CCDC163: variants seen among roughly 807,000 people sequenced by gnomAD.
CCDC163 encodes the protein transmembrane protein CCDC163.
A neutral mutation model predicts 8.2 loss-of-function variants in CCDC163; 13 were observed. The observed-to-expected ratio is 1.59, with a 90% CI of 1.04 to 2.54. CCDC163 has a LOEUF of 2.54. Ranked by LOEUF, CCDC163 falls within the 30% of genes most tolerant of loss-of-function variation. CCDC163 has a pLI of 0.00. For synonymous variants in CCDC163, 41 were observed against 30.9 expected, an observed-to-expected ratio of 1.33 and a Z score of -1.08; for missense variants, 117 against 78.6, an observed-to-expected ratio of 1.49 and a Z score of -1.85.
intron 2 of CCDC163, chr1:45,498,727 A>G (rs1377807995): frequency 6.3e-6 from 1 of 158,010 alleles, no homozygotes; most frequent in Admixed American, 6.0e-5. Flanking sequence ...ACACATGTGC[A>G]CACACAACAG....
chr1:45,498,949 A>G (rs1264759086), intron 2 of CCDC163, among the ~76,000 whole-genome samples: 1 of 152,198 alleles, frequency 6.6e-6, no homozygotes, highest in Non-Finnish European at 1.5e-5. Context: ...TAGTATCCTC[A>G]TCTTACACAA....
Position 45,494,003 on chromosome 1 carries a change from T to C in CCDC163, c.*1056A>G, listed in dbSNP as rs539940002. On this transcript the variant is annotated 3_prime_UTR_variant, in exon 5 of 5. Transcript: ENST00000629482. Reference sequence around the variant, plus strand: ...CATATTTACTAGGTCACAATGTAAATTGTATTTCTTACTGGAAGTCACAGC... The same window carrying C: ...CATATTTACTAGGTCACAATGTAAACTGTATTTCTTACTGGAAGTCACAGC... 180 of 152,332 alleles carry C rather than the reference T, an allele frequency of 1.2e-3. No individual in the cohort carries two copies. Among genetic ancestry groups the C allele is most frequent in the African/African-American group, 4.1e-3 (170 of 41,576 alleles). The allele number at this position is 152,332 out of a possible 1,614,324, so 9.4% of individuals were successfully genotyped here. A position where few individuals can be genotyped will look rare whatever the true frequency, so the allele number is the denominator to read the frequency against.
intron 4 of CCDC163, chr1:45,495,588 T>A: frequency 1.4e-6 from 1 of 699,364 alleles, no homozygotes; most frequent in Non-Finnish European, 2.6e-6. Flanking sequence ...GATAATGATG[T>A]ATCAAGGGGG....
chr1:45,498,938 C>T (rs904690681), intron 2 of CCDC163, among the ~76,000 whole-genome samples: 1 of 152,214 alleles, frequency 6.6e-6, no homozygotes, highest in African/African-American at 2.4e-5. Flanking sequence ...TTCCCGACCC[C>T]TAGTATCCTC....
Position 45,494,687 on chromosome 1 carries a change from T to C in CCDC163, c.*372A>G, listed in dbSNP as rs1183466324. 7.3e-6 allele frequency: 2 copies of C among 274,222 alleles called. No individual in the cohort carries two copies. The highest frequency in any genetic ancestry group is 4.3e-5 in the African/African-American group (2 of 45,994). 17.0% of individuals were successfully genotyped at this position (274,222 alleles called of 1,614,324 possible). ...AGGTACAGCTATAGGCTGGGCATGG[T>C]GGCTCACAACTGTAATCCCAGCACT... is the stretch of plus-strand genomic sequence containing the variant. On this transcript the variant is annotated 3_prime_UTR_variant, in exon 5 of 5. Transcript: ENST00000629482.
At position 45,497,334 on chromosome 1, in the gene CCDC163, A is replaced by C; in HGVS notation, c.227T>G (p.Met76Arg). 1.3e-6 allele frequency: 1 copy of C among 780,308 alleles called. No homozygotes were observed. Among genetic ancestry groups the C allele is most frequent in the Non-Finnish European group, 2.4e-6 (1 of 417,636 alleles). The allele number at this position is 780,308 out of a possible 1,614,324, so 48.3% of individuals were successfully genotyped here. A position where few individuals can be genotyped will look rare whatever the true frequency, so the allele number is the denominator to read the frequency against. ...CTGCAGCAACTTCAATTCCTTCTGC[A>C]TAATCTCTGACTCCTCCCACAGCAC... Reference protein sequence around the residue: ...PAVLWEESEIMQKELKLLQYQ... With the variant: ...PAVLWEESEIRQKELKLLQYQ... Residue 76 changes from methionine to arginine, a missense_variant, in exon 3 of 5, where the codon ATG (methionine) becomes AGG (arginine). Transcript: ENST00000629482.
intron 2 of CCDC163, among the ~76,000 whole-genome samples, chr1:45,497,756 TG>T (rs1190358325): frequency 5.6e-5 from 1 of 17,742 alleles, no homozygotes; most frequent in African/African-American, 2.8e-4. Context: ...GGGAGGGAGG[TG>T]GGGGTGTCAG....
chr1:45,496,900 C>G (rs1333249764), intron 3 of CCDC163, among the ~76,000 whole-genome samples: 1 of 152,246 alleles, frequency 6.6e-6, no homozygotes, highest in African/African-American at 2.4e-5. Context: ...GTGGCTCACA[C>G]CTGTAATCCC....
At chr1:45,495,642 T>G in intron 4 of CCDC163, 6 of 621,500 alleles carry the variant, frequency 9.7e-6, no homozygotes, top group East Asian at 5.7e-5. Context: ...GCTAGGACTC[T>G]GGTCTCCTCC....
rs1246924404 is a variant in CCDC163, at chr1:45,495,044, G to A, written c.*15C>T. 2.6e-6 allele frequency: 2 copies of A among 780,700 alleles called. No individual in the cohort carries two copies. Among genetic ancestry groups the A allele is most frequent in the Admixed American group, 3.4e-5 (2 of 59,008 alleles). The allele number at this position is 780,700 out of a possible 1,614,324, so 48.4% of individuals were successfully genotyped here. Reference sequence around the variant, plus strand: ...GCCTTCATCCTACTATTCTTAACGAGTCCTTACAGGTCATTCAGGAGCATT... The same window carrying A: ...GCCTTCATCCTACTATTCTTAACGAATCCTTACAGGTCATTCAGGAGCATT... On this transcript the variant is annotated 3_prime_UTR_variant, in exon 5 of 5. Coordinates refer to ENST00000629482, the MANE Select transcript of CCDC163 (RefSeq NM_001102601.3).
chr1:45,496,593 A>T lies in CCDC163; in HGVS notation c.293T>A (p.Leu98Gln), dbSNP rs775666015. Reference sequence around the variant, plus strand: ...AACCTGAGCCTGTCGTCCCTCAGCCAGCTGTTTCAGCAGCAGCTCCTGGTG... The same window carrying T: ...AACCTGAGCCTGTCGTCCCTCAGCCTGCTGTTTCAGCAGCAGCTCCTGGTG... ...SQHQELLLKQ[L>Q]AEGRQAQVGS... Residue 98 changes from leucine to glutamine, a missense_variant, in exon 4 of 5, where the codon CTG becomes CAG. Coordinates refer to ENST00000629482, the MANE Select transcript of CCDC163 (RefSeq NM_001102601.3). The T allele has an allele frequency of 9.0e-6, 7 of 780,480 alleles. No homozygotes were observed. The highest frequency in any genetic ancestry group is 1.7e-5 in the Non-Finnish European group (7 of 417,910). The allele number at this position is 780,480 out of a possible 1,614,324, so 48.3% of individuals were successfully genotyped here.
chr1:45,497,683 A>T (rs61788291), intron 2 of CCDC163, among the ~76,000 whole-genome samples: 1 of 36,548 alleles, frequency 2.7e-5, no homozygotes, highest in Non-Finnish European at 5.6e-5. Flanking sequence ...TCCGCCCGGC[A>T]GCCACCCCGT....
intron 2 of CCDC163, 88 bp downstream of exon 2, chr1:45,499,257 G>T: frequency 1.4e-6 from 1 of 716,858 alleles, no homozygotes; most frequent in Admixed American, 2.0e-5. Flanking sequence ...GACAGAGTTG[G>T]AATTTGGAAG....
At chr1:45,496,213 C>T in intron 4 of CCDC163, 1 of 391,978 alleles carries the variant, frequency 2.6e-6, no homozygotes, top group Non-Finnish European at 4.9e-6. Context: ...GTCCTGGTAG[C>T]CTCCAGGGTA....
chr1:45,499,046 G>A (rs1167428135), intron 2 of CCDC163, among the ~76,000 whole-genome samples: 3 of 152,234 alleles, frequency 2.0e-5, no homozygotes, highest in African/African-American at 7.2e-5. Flanking sequence ...TCACCCCAGA[G>A]AGAGGATGGG....
rs1654243416 is a variant in CCDC163, at chr1:45,497,297, A to G, written c.262+2T>C. 3 of 778,424 alleles carry G rather than the reference A, an allele frequency of 3.9e-6. No homozygotes were observed. Among genetic ancestry groups the G allele is most frequent in the African/African-American group, 3.4e-5 (2 of 59,088 alleles). The allele number at this position is 778,424 out of a possible 1,614,324, so 48.2% of individuals were successfully genotyped here. A position where few individuals can be genotyped will look rare whatever the true frequency, so the allele number is the denominator to read the frequency against. The stretch of plus-strand genomic sequence containing the variant: ...ATTCGCCCCCAACCACCTTTTACTT[A>G]CTCAACTGGTACTGCAGCAACTTCA... On this transcript the variant is annotated splice_donor_variant, in intron 3 of 4. Coordinates refer to ENST00000629482, the MANE Select transcript of CCDC163 (RefSeq NM_001102601.3). LOFTEE classifies it high-confidence loss of function.
At position 45,494,818 on chromosome 1, in the gene CCDC163, C is replaced by G; in HGVS notation, c.*241G>C. 1 of 497,412 alleles carries G rather than the reference C, an allele frequency of 2.0e-6. No homozygotes were observed. The highest frequency in any genetic ancestry group is 3.6e-6 in the Non-Finnish European group (1 of 273,984). The allele number at this position is 497,412 out of a possible 1,614,324, so 30.8% of individuals were successfully genotyped here. ...CTAAAAATACAAAAATTAGCGCACA[C>G]CTGTAATCCCAGCTACTTGGGAGGC... is the stretch of plus-strand genomic sequence containing the variant. On this transcript the variant is annotated 3_prime_UTR_variant, in exon 5 of 5. Transcript: ENST00000629482.
intron 4 of CCDC163, among the ~76,000 whole-genome samples, chr1:45,495,902 C>A (rs1241673825): frequency 6.6e-6 from 1 of 152,130 alleles, no homozygotes; most frequent in Non-Finnish European, 1.5e-5. Flanking sequence ...AGGTGATCCG[C>A]CCACCTCGGC....
intron 4 of CCDC163, among the ~76,000 whole-genome samples, chr1:45,495,938 G>A (rs1299075785): frequency 1.3e-5 from 2 of 152,074 alleles, no homozygotes; most frequent in East Asian, 1.9e-4. Flanking sequence ...GATTATAGGC[G>A]TGAGCCACCG....
Sources: allele counts gnomAD v4.1 joint callset (sites outside exome capture counted in the v4.1 genomes callset), GRCh38; gene constraint gnomAD v4.1.1; transcripts MANE v1.5; gene names NCBI Gene and HGNC (gene_info 2026-07-23, HGNC 2026-07-21).